KAZN: variants seen among roughly 807,000 people sequenced by gnomAD.
The protein encoded by KAZN is kazrin.
KAZN carries 40 observed loss-of-function variants against 87.4 expected under a neutral mutation model. That is an observed-to-expected ratio of 0.46 (90% confidence interval 0.36 to 0.60). The LOEUF is 0.60. KAZN is among the 20% of genes least tolerant of loss of function. The probability of loss-of-function intolerance (pLI) is 0.00; values close to 1 mark genes in which losing one functional copy is unlikely to be tolerated. For missense variants in KAZN, 898 were observed against 1,073.9 expected (o/e 0.84, Z 2.29); for synonymous variants, 466 against 458.3 (o/e 1.02, Z -0.22).
intron 2 of KAZN, among the ~76,000 whole-genome samples, chr1:14,537,158 C>T (rs941647634): frequency 1.6e-4 from 25 of 152,140 alleles, no homozygotes; most frequent in African/African-American, 5.6e-4. Flanking sequence ...TCCAAATAAC[C>T]GTCCACAGAG....
intron 2 of KAZN, among the ~76,000 whole-genome samples, chr1:14,550,739 C>CTCTCTCTCTCTG (rs1480745409): frequency 4.3e-5 from 3 of 69,968 alleles, no homozygotes; most frequent in Non-Finnish European, 9.8e-5. Flanking sequence ...CTCTCTCTCT[C>CTCTCTCTCTCTG]CCCCACCCCG....
chr1:14,598,680 G>T (rs907811931), upstream of KAZN: 7 of 1,279,808 alleles, frequency 5.5e-6, no homozygotes, highest in African/African-American at 4.7e-5. The surrounding 1 kb of genome is among the most constrained non-coding windows in gnomAD (Gnocchi z 4.2). Context: ...GTGGCGCGCG[G>T]TGTCCTTCTT....
chr1:14,387,932 T>C (rs1662077372), intron 2 of KAZN, among the ~76,000 whole-genome samples: 1 of 152,224 alleles, frequency 6.6e-6, no homozygotes, highest in Non-Finnish European at 1.5e-5. Flanking sequence ...GCTTTGCTGT[T>C]TGATCTCAGA....
At chr1:14,628,941 G>A (rs576896643) in intron 1 of KAZN, among the ~76,000 whole-genome samples, 1 of 151,462 alleles carries the variant, frequency 6.6e-6, no homozygotes, top group African/African-American at 2.4e-5. Flanking sequence ...CTGTCTCCCG[G>A]GTTCAAGCAA....
chr1:14,636,554 G>A (rs539399022), intron 1 of KAZN, among the ~76,000 whole-genome samples: 1 of 152,310 alleles, frequency 6.6e-6, no homozygotes, highest in East Asian at 1.9e-4. Context: ...TCCCAGCACT[G>A]CTCTGGACAC....
chr1:15,087,339 CTT>C (rs77464357), intron 8 of KAZN, among the ~76,000 whole-genome samples: 12 of 147,786 alleles, frequency 8.1e-5, no homozygotes, highest in Admixed American at 2.0e-4. Flanking sequence ...AATTTACATT[CTT>C]TTTTTTTTCT....
intron 1 of KAZN, among the ~76,000 whole-genome samples, chr1:14,737,950 A>G (rs1418547226): frequency 6.6e-6 from 1 of 152,210 alleles, no homozygotes; most frequent in African/African-American, 2.4e-5. Context: ...CTCAAAGTCA[A>G]CAGTGGTAAT....
chr1:13,930,886 G>C (rs916778146), intron 1 of KAZN, among the ~76,000 whole-genome samples: 1 of 152,262 alleles, frequency 6.6e-6, no homozygotes, highest in South Asian at 2.1e-4. Context: ...TGGTCCTTAG[G>C]GGGTCCTGGA....
intron 1 of KAZN, among the ~76,000 whole-genome samples, chr1:14,894,930 A>G (rs1330445994): frequency 6.6e-6 from 1 of 152,232 alleles, no homozygotes; most frequent in Non-Finnish European, 1.5e-5. Flanking sequence ...CTCATGACTC[A>G]GCTGCCCCAG....
chr1:14,675,623 A>G (rs1020829628), intron 1 of KAZN, among the ~76,000 whole-genome samples: 2 of 151,982 alleles, frequency 1.3e-5, no homozygotes, highest in Non-Finnish European at 2.9e-5. Context: ...CTTTTTTGGC[A>G]TGCCTATTAC....
chr1:14,336,257 G>A (rs1037712612), intron 2 of KAZN, among the ~76,000 whole-genome samples: 3 of 152,186 alleles, frequency 2.0e-5, no homozygotes, highest in Admixed American at 6.5e-5. Context: ...CCCACTTGGT[G>A]TATTTTCAAG....
chr1:14,691,539 T>G (rs1396987681), intron 1 of KAZN, among the ~76,000 whole-genome samples: 1 of 152,162 alleles, frequency 6.6e-6, no homozygotes, highest in East Asian at 1.9e-4. Flanking sequence ...CAGCCCGGAG[T>G]GCAGTGGCAC....
At chr1:14,979,050 G>T (rs918680368) in intron 2 of KAZN, among the ~76,000 whole-genome samples, 1 of 151,766 alleles carries the variant, frequency 6.6e-6, no homozygotes, top group Non-Finnish European at 1.5e-5. Flanking sequence ...GATTACAGGC[G>T]CCTGCCACCA....
chr1:14,637,007 G>A (rs540499720), intron 1 of KAZN, among the ~76,000 whole-genome samples: 1 of 152,134 alleles, frequency 6.6e-6, no homozygotes, highest in Admixed American at 6.5e-5. Context: ...CCTCTGGAGG[G>A]CTGGACATGG....
intron 3 of KAZN, among the ~76,000 whole-genome samples, chr1:15,042,680 C>G (rs917842555): frequency 6.6e-6 from 1 of 152,224 alleles, no homozygotes; most frequent in Non-Finnish European, 1.5e-5. Flanking sequence ...GGTTCTCCCT[C>G]TGTCTCCAGA....
intron 1 of KAZN, among the ~76,000 whole-genome samples, chr1:14,605,765 C>A (rs2148609680): frequency 6.6e-6 from 1 of 152,220 alleles, no homozygotes. Flanking sequence ...TGGACCTGCA[C>A]AATTCAAACC....
chr1:14,589,334 A>G (rs116532563), intron 2 of KAZN, among the ~76,000 whole-genome samples: 103,486 of 148,140 alleles, frequency 0.7, 37,153 homozygotes, highest in Non-Finnish European at 0.8. Context: ...AGGCAGGTAA[A>G]AAAAAAAAAA....
At chr1:14,202,085 A>G (rs964467634) in intron 2 of KAZN, among the ~76,000 whole-genome samples, 1 of 152,226 alleles carries the variant, frequency 6.6e-6, no homozygotes, top group Non-Finnish European at 1.5e-5. Context: ...TGAGGTAAGT[A>G]TCAACATCAT....
intron 2 of KAZN, among the ~76,000 whole-genome samples, chr1:14,552,492 C>T (rs1282261764): frequency 2.6e-5 from 4 of 152,296 alleles, no homozygotes; most frequent in East Asian, 3.9e-4. Flanking sequence ...TGCAACTTGG[C>T]GGTTGCCAGG....
Sources: gnomAD v4.1 joint callset for allele counts (sites outside exome capture counted in the v4.1 genomes callset) on GRCh38, gnomAD v4.1.1 for gene constraint, Gnocchi (gnomAD v3.1) non-coding constraint, MANE v1.5 for transcripts, NCBI Gene and HGNC (gene_info 2026-07-23, HGNC 2026-07-21) for gene names.